PTPRO: variants seen among roughly 807,000 people sequenced by gnomAD.
PTPRO encodes the protein receptor-type tyrosine-protein phosphatase O.
A neutral mutation model predicts 145.2 loss-of-function variants in PTPRO; 62 were observed. The ratio of observed to expected loss-of-function variants is 0.43; its 90% confidence interval spans 0.35 to 0.53. PTPRO has a LOEUF of 0.53. Ranked by LOEUF, PTPRO falls within the 20% of genes least tolerant of loss-of-function variation. The probability of loss-of-function intolerance (pLI) is 0.01; values close to 1 mark genes in which losing one functional copy is unlikely to be tolerated. For synonymous variants in PTPRO, 565 were observed against 514.7 expected (o/e 1.10, Z -1.32); for missense variants, 1,345 against 1,482.7 (o/e 0.91, Z 1.53).
chr12:15,539,485 G>A (rs1411597986), intron 12 of PTPRO, among the ~76,000 whole-genome samples: 3 of 152,012 alleles, frequency 2.0e-5, no homozygotes, highest in Admixed American at 2.0e-4. Flanking sequence ...GTAAGGCTGG[G>A]CACAGTGGCT....
intron 1 of PTPRO, among the ~76,000 whole-genome samples, chr12:15,384,874 G>A (rs948503894): frequency 5.9e-5 from 9 of 152,138 alleles, no homozygotes; most frequent in African/African-American, 1.9e-4. Flanking sequence ...GATCTTAAAA[G>A]CAAGACCTAT....
At chr12:15,439,522 A>G (rs1392447407) in intron 1 of PTPRO, 1 of 234,140 alleles carries the variant, frequency 4.3e-6, no homozygotes, top group Non-Finnish European at 8.6e-6. Context: ...CCAAGAAAAC[A>G]CCAAATAGCA....
chr12:15,582,806 C>A (rs906623731), intron 23 of PTPRO, among the ~76,000 whole-genome samples: 3 of 151,992 alleles, frequency 2.0e-5, no homozygotes, highest in Non-Finnish European at 4.4e-5. Context: ...TCTTGAAGGG[C>A]TATTGATTTC....
intron 1 of PTPRO, among the ~76,000 whole-genome samples, chr12:15,380,074 T>C (rs1040551562): frequency 4.6e-5 from 7 of 152,158 alleles, no homozygotes; most frequent in Non-Finnish European, 8.8e-5. Flanking sequence ...GTATTGAGTA[T>C]CAAACTCCAG....
At chr12:15,431,788 T>C (rs1191058190) in intron 1 of PTPRO, among the ~76,000 whole-genome samples, 6 of 152,202 alleles carry the variant, frequency 3.9e-5, no homozygotes, top group African/African-American at 7.2e-5. Context: ...TAGATTATGA[T>C]GATAACTGTT....
chr12:15,569,677 C>T (rs1278899770), intron 19 of PTPRO, among the ~76,000 whole-genome samples, 179 bp downstream of exon 19: 1 of 152,046 alleles, frequency 6.6e-6, no homozygotes, highest in African/African-American at 2.4e-5. Context: ...GTAGGCAAGG[C>T]CTCAGGTGGC....
intron 1 of PTPRO, among the ~76,000 whole-genome samples, chr12:15,469,275 A>C (rs1390186299): frequency 1.3e-5 from 2 of 152,230 alleles, no homozygotes; most frequent in Admixed American, 1.3e-4. Context: ...ATGGAAAAGA[A>C]GGATGGAAAA....
intron 10 of PTPRO, among the ~76,000 whole-genome samples, chr12:15,523,826 C>A (rs1417013222): frequency 6.6e-6 from 1 of 151,586 alleles, no homozygotes; most frequent in East Asian, 1.9e-4. Context: ...GAGGCAGGGT[C>A]TCACTCTGTC....
rs183273530 is a variant in PTPRO at position 15,395,899 on chromosome 12, A to G, written c.75+73098A>G. ...TATTCTGGTGTGCCAGAAAAGATTGATTAAGCAATGAACCTCAGACAAAGT... is the reference window on the plus strand; with the variant it reads ...TATTCTGGTGTGCCAGAAAAGATTGGTTAAGCAATGAACCTCAGACAAAGT... On this transcript the variant is annotated intron_variant, in intron 1 of 26. Transcript: ENST00000281171. Among the ~76,000 whole-genome samples the G allele has an allele frequency of 4.1e-4, 63 of 152,250 alleles. No homozygotes were observed. The East Asian group carries it at 0.012, about 28-fold the overall frequency.
intron 24 of PTPRO, 116 bp downstream of exon 24, chr12:15,587,167 G>GT: frequency 8.4e-7 from 1 of 1,188,104 alleles, no homozygotes; most frequent in South Asian, 1.3e-5. Flanking sequence ...AAACTCTGAT[G>GT]TTTTTTAAAC....
chr12:15,331,379 G>A (rs1195253482), intron 1 of PTPRO, among the ~76,000 whole-genome samples: 1 of 152,176 alleles, frequency 6.6e-6, no homozygotes, highest in Non-Finnish European at 1.5e-5. Context: ...TATCTGATAA[G>A]AGCATAGGTG....
intron 17 of PTPRO, among the ~76,000 whole-genome samples, chr12:15,562,420 G>A (rs1565430769): frequency 2.0e-5 from 3 of 152,186 alleles, no homozygotes; most frequent in Non-Finnish European, 1.5e-5. Context: ...CTCCCCAGAC[G>A]CACACTGCCT....
Position 15,569,425 on chromosome 12 carries a change from A to T in PTPRO, c.2756A>T (p.Gln919Leu). The change falls in exon 19 of 27, where the codon CAA becomes CTA. Residue 919 changes from glutamine to leucine, a missense_variant. By Grantham distance (113) the Gln-to-Leu change is moderately radical (BLOSUM62 -2). Coordinates refer to ENST00000281171, the MANE Select transcript of PTPRO (RefSeq NM_030667.3). The part of the protein sequence containing the change: ...LKKRKLTNPV[Q>L]LDDFDAYIKD... The stretch of plus-strand genomic sequence containing the variant: ...CTTTGTGTTTGGCAAAGCCCGGTTC[A>T]ACTGGATGACTTTGATGCCTATATT... The T allele has an allele frequency of 6.2e-7, 1 of 1,613,258 alleles. No individual in the cohort carries two copies. The highest frequency in any genetic ancestry group is 1.1e-5 in the South Asian group (1 of 91,068).
chr12:15,475,340 T>C (rs1307157358), intron 1 of PTPRO, among the ~76,000 whole-genome samples: 1 of 152,214 alleles, frequency 6.6e-6, no homozygotes. Context: ...GGTTACTCAG[T>C]GCCTGATTTG....
chr12:15,546,336 A>T, intron 12 of PTPRO: 2 of 1,360,688 alleles, frequency 1.5e-6, no homozygotes, highest in Non-Finnish European at 1.9e-6. Flanking sequence ...AGAAAACAGA[A>T]GTGTTCTGAA....
chr12:15,573,506 A>G (rs1944107907), intron 19 of PTPRO, among the ~76,000 whole-genome samples: 1 of 152,164 alleles, frequency 6.6e-6, no homozygotes, highest in Admixed American at 6.5e-5. Context: ...ATTTATTCTG[A>G]TGCTCTCTTC....
At chr12:15,400,456 C>G (rs1939460875) in intron 1 of PTPRO, among the ~76,000 whole-genome samples, 1 of 152,158 alleles carries the variant, frequency 6.6e-6, no homozygotes, top group South Asian at 2.1e-4. Context: ...TGTGTCATTC[C>G]CATGTCAGTG....
intron 1 of PTPRO, among the ~76,000 whole-genome samples, chr12:15,466,692 A>G (rs1737255931): frequency 6.6e-6 from 1 of 152,146 alleles, no homozygotes; most frequent in African/African-American, 2.4e-5. Flanking sequence ...CTCCCATTTT[A>G]TAGATGAAGA....
intron 1 of PTPRO, among the ~76,000 whole-genome samples, chr12:15,360,930 A>G (rs1314506254): frequency 7.1e-6 from 1 of 140,278 alleles, no homozygotes; most frequent in Non-Finnish European, 1.6e-5. Context: ...GTATATACAC[A>G]CACATATATA....
Sources: allele counts gnomAD v4.1 joint callset (sites outside exome capture counted in the v4.1 genomes callset), GRCh38; gene constraint gnomAD v4.1.1; transcripts MANE v1.5; gene names NCBI Gene and HGNC (gene_info 2026-07-23, HGNC 2026-07-21).